CEP72: variants seen among roughly 807,000 people sequenced by gnomAD.
CEP72 encodes centrosomal protein 72, also known as centrosomal protein of 72 kDa.
CEP72 carries 78 observed loss-of-function variants against 65.7 expected under a neutral mutation model. The observed-to-expected ratio is 1.19, with a 90% CI of 0.99 to 1.43. The LOEUF is 1.43. CEP72 is among the 40% of genes most tolerant of loss of function. CEP72 has a pLI of 0.00. For synonymous variants in CEP72, 358 were observed against 351.7 expected (o/e 1.02, Z -0.20); for missense variants, 914 against 832.9 (o/e 1.10, Z -1.20).
At chr5:651,506 G>A (rs1189773885) in intron 11 of CEP72, among the ~76,000 whole-genome samples, 2 of 151,950 alleles carry the variant, frequency 1.3e-5, no homozygotes, top group Non-Finnish European at 2.9e-5. Context: ...GCGGTAGTCC[G>A]GCAGCTGTGC....
At chr5:641,577 C>T (rs1276748207) in intron 9 of CEP72, 2 of 984,484 alleles carry the variant, frequency 2.0e-6, no homozygotes, top group African/African-American at 1.8e-5. Flanking sequence ...CACGTGGCCC[C>T]CCCACCCCGC....
At chr5:674,251 C>A in the CEP72 span, among the ~76,000 whole-genome samples, 1 of 152,212 alleles carries the variant, frequency 6.6e-6, no homozygotes, top group African/African-American at 2.4e-5. Flanking sequence ...CCAGATGTGT[C>A]CACACGCCCG....
At chr5:629,550 G>C (rs1737075403) in intron 4 of CEP72, among the ~76,000 whole-genome samples, 3 of 122,304 alleles carry the variant, frequency 2.5e-5, no homozygotes. Flanking sequence ...ACCAGTCCTG[G>C]TGGGGTTCTG....
intron 2 of CEP72, chr5:665,096 C>T (rs755485475): frequency 1.4e-5 from 22 of 1,607,450 alleles, no homozygotes; most frequent in East Asian, 1.1e-4. Flanking sequence ...AGGCATGGAG[C>T]GGGGGCTACT....
chr5:637,531 G>C lies in CEP72; in HGVS notation c.919G>C (p.Glu307Gln). The change falls in exon 7 of 12, where the codon GAG becomes CAG. Residue 307 changes from glutamate to glutamine, a missense_variant. Physicochemically the swap from Glu to Gln is conservative, Grantham distance 29. Coordinates refer to ENST00000264935, the MANE Select transcript of CEP72 (RefSeq NM_018140.4). The part of the protein sequence containing the change: ...FTPHPDSMDT[E>Q]DSASSQKLDL... Reference sequence around the variant, plus strand: ...CTATATCTCAGACTCCATGGATACCGAGGACTCGGCCTCTTCTCAGAAGTT... The same window carrying C: ...CTATATCTCAGACTCCATGGATACCCAGGACTCGGCCTCTTCTCAGAAGTT... 11 of 1,613,304 alleles carry C rather than the reference G, an allele frequency of 6.8e-6. No individual in the cohort carries two copies. The highest frequency in any genetic ancestry group is 9.3e-6 in the Non-Finnish European group (11 of 1,179,476).
chr5:632,220 G>GCT (rs1737245347), intron 4 of CEP72, among the ~76,000 whole-genome samples: 1 of 62,734 alleles, frequency 1.6e-5, no homozygotes, highest in African/African-American at 6.3e-5. Flanking sequence ...GTCCAGTGTC[G>GCT]GGATTTGACC....
In CEP72 at chr5:623,226, A is replaced by G. The variant is rs908653508; in HGVS notation, c.404-1245A>G. Among the ~76,000 whole-genome samples, 1 of 152,226 alleles carries G rather than the reference A, an allele frequency of 6.6e-6. No homozygotes were observed. The highest frequency in any genetic ancestry group is 1.5e-5 in the Non-Finnish European group (1 of 68,044). On this transcript the variant is annotated intron_variant, in intron 3 of 11. Coordinates refer to ENST00000264935, the MANE Select transcript of CEP72 (RefSeq NM_018140.4). This position sits in a 1 kb window ranked among gnomAD's most constrained non-coding sequence, Gnocchi z 5.3. ...TAGTGTTTCTACAGAGAAGGAGCAC[A>G]ACCGTCTCCCCGCATGTGAGAGATG...
chr5:639,024 C>T (rs1013221686), intron 7 of CEP72, 65 bp from the exon 8 acceptor site: 22 of 1,601,476 alleles, frequency 1.4e-5, no homozygotes, highest in Middle Eastern at 1.7e-4. Context: ...TGCGCTTGGG[C>T]ACCTGCTGGC....
chr5:620,042 T>C, intron 2 of CEP72, 27 bp from the exon 3 acceptor site: 2 of 1,579,754 alleles, frequency 1.3e-6, no homozygotes, highest in Non-Finnish European at 1.7e-6. Context: ...AAAGTGTGAA[T>C]GAATTCACTG....
At chr5:626,696 G>A (rs908159125) in intron 4 of CEP72, among the ~76,000 whole-genome samples, 2 of 152,020 alleles carry the variant, frequency 1.3e-5, no homozygotes, top group Non-Finnish European at 2.9e-5. Flanking sequence ...GTATGGTGGT[G>A]CGTGCCTGTA....
intron 10 of CEP72, among the ~76,000 whole-genome samples, chr5:647,046 C>G (rs1270206915): frequency 6.6e-6 from 1 of 152,232 alleles, no homozygotes; most frequent in African/African-American, 2.4e-5. Context: ...CCTACGTGAA[C>G]ATGTCCATCG....
chr5:650,294 T>C (rs1324233581), intron 11 of CEP72, among the ~76,000 whole-genome samples: 7 of 78,418 alleles, frequency 8.9e-5, no homozygotes, highest in Non-Finnish European at 1.5e-4. Flanking sequence ...GACTGTGAGG[T>C]GTGACTGTGA....
Position 645,561 on chromosome 5 carries a change from C to T in CEP72, c.1666+1136C>T, listed in dbSNP as rs1242804642. Among the ~76,000 whole-genome samples the T allele has an allele frequency of 1.3e-5, 2 of 152,000 alleles. No homozygotes were observed. Among genetic ancestry groups the T allele is most frequent in the Non-Finnish European group, 2.9e-5 (2 of 68,006 alleles). On this transcript the variant is annotated intron_variant, in intron 10 of 11. Transcript: ENST00000264935. The surrounding 1 kb of genome is among the most constrained non-coding windows in gnomAD (Gnocchi z 4.0). ...TCTGGGTGCGCTGTTTTCCCCCATG[C>T]CCCAAAGCTGTGCACGCCAGGGTGT... is the stretch of plus-strand genomic sequence containing the variant.
At chr5:616,615 G>A (rs541814731) in intron 1 of CEP72, among the ~76,000 whole-genome samples, 1 of 152,296 alleles carries the variant, frequency 6.6e-6, no homozygotes, top group East Asian at 1.9e-4. Flanking sequence ...ACTCGAGCCT[G>A]CTGGGTGCCA....
chr5:673,705 C>T, the CEP72 span, among the ~76,000 whole-genome samples: 2,181 of 152,272 alleles, frequency 0.014, 62 homozygotes, highest in African/African-American at 0.051. Context: ...CAAGGCTGGT[C>T]CCCGGCCCCA....
At position 648,676 on chromosome 5, in the gene CEP72, T is replaced by C. The variant is rs1395700274; in HGVS notation, c.1778+760T>C. Among the ~76,000 whole-genome samples, 3 of 112,034 alleles carry C rather than the reference T, an allele frequency of 2.7e-5. No individual in the cohort carries two copies. In the Admixed American group the frequency reaches 2.9e-4, roughly 11 times the overall value. 73.5% of individuals were successfully genotyped at this position (112,034 alleles called of 152,430 possible). ...TGAGGTGTGACTGTGAGGTGTGGAC[T>C]GTGAGGCGTGACTGTGAGGCGTGAA... On this transcript the variant is annotated intron_variant, in intron 11 of 11. Coordinates refer to ENST00000264935, the MANE Select transcript of CEP72 (RefSeq NM_018140.4).
rs1054254395 is a variant in CEP72 at position 625,057 on chromosome 5, C to G, written c.512+478C>G. On this transcript the variant is annotated intron_variant, in intron 4 of 11. Coordinates refer to ENST00000264935, the MANE Select transcript of CEP72 (RefSeq NM_018140.4). ...GGGATGCGCCTTCCTGTCTCCCTCC[C>G]CATGGCTGGTGCTGGTGAGGCCACC... Among the ~76,000 whole-genome samples, 5 of 152,338 alleles carry G rather than the reference C, an allele frequency of 3.3e-5. No homozygotes were observed. The East Asian group carries it at 5.8e-4, about 18-fold the overall frequency.
At chr5:668,676 C>T (rs1697965), downstream of CEP72, among the ~76,000 whole-genome samples, 62,520 of 152,200 alleles carry the variant, frequency 0.41, 13,271 homozygotes, top group Middle Eastern at 0.54. Context: ...CCAGCAGTCC[C>T]GTTCCTGGGT....
chr5:666,095 C>T, exon 4 of CEP72: 1 of 1,611,512 alleles, frequency 6.2e-7, no homozygotes, highest in Non-Finnish European at 8.5e-7. Context: ...TGGAACTGCT[C>T]AAAGGTGATG....
Sources: gnomAD v4.1 joint callset for allele counts (sites outside exome capture counted in the v4.1 genomes callset) on GRCh38, gnomAD v4.1.1 for gene constraint, Gnocchi (gnomAD v3.1) non-coding constraint, MANE v1.5 for transcripts, NCBI Gene and HGNC (gene_info 2026-07-23, HGNC 2026-07-21) for gene names.